Variants in EEF2K observed in about 807,000 individuals in gnomAD.
The protein encoded by EEF2K is eukaryotic elongation factor 2 kinase.
Under a neutral mutation model 93.8 loss-of-function variants are expected in EEF2K, and 70 were observed. The ratio of observed to expected loss-of-function variants is 0.75; its 90% CI spans 0.62 to 0.91. The LOEUF (loss-of-function observed/expected upper bound fraction) is 0.91. Among genes scored for constraint, EEF2K ranks in the 40% least tolerant of loss-of-function variants. The pLI is 0.00. For synonymous variants in EEF2K, 376 were observed against 380.8 expected (o/e 0.99, Z 0.15); for missense variants, 935 against 972.9 (o/e 0.96, Z 0.52).
At chr16:22,279,731 A>T (rs2047674564) in intron 16 of EEF2K, among the ~76,000 whole-genome samples, 2 of 152,132 alleles carry the variant, frequency 1.3e-5, no homozygotes, top group South Asian at 4.1e-4. Context: ...ACAGTGGCTC[A>T]TGCCTGTAAT....
rs1011054825 is a variant in EEF2K, at chr16:22,243,922, CA to C, written c.247-687del. ...TCGGCGACAAAGTAAGACCCTGTCT[CA>C]AAAAAAAAAAAAAAAAAAAAGAGGC... On this transcript the variant is annotated intron_variant, in intron 2 of 17. Transcript: ENST00000263026. 3.0e-3 allele frequency among the ~76,000 whole-genome samples: 189 copies of C among 61,990 alleles called. 1 individual carries two copies. Among genetic ancestry groups the C allele is most frequent in the Middle Eastern group, 0.011 (1 of 94 alleles). The allele number at this position is 61,990 out of a possible 152,430, so 40.7% of individuals were successfully genotyped here.
intron 15 of EEF2K, among the ~76,000 whole-genome samples, chr16:22,267,224 G>A (rs779313908): frequency 2.6e-5 from 4 of 152,190 alleles, no homozygotes; most frequent in African/African-American, 7.2e-5. Flanking sequence ...CATCAGTTCT[G>A]TGTGTATCCC....
chr16:22,256,830 G>A lies in EEF2K; in HGVS notation c.701G>A (p.Gly234Asp). 1.9e-6 allele frequency: 3 copies of A among 1,614,190 alleles called. No homozygotes were observed. Among genetic ancestry groups the A allele is most frequent in the Admixed American group, 1.7e-5 (1 of 60,018 alleles). The change falls in exon 7 of 18, where the codon GGC becomes GAC. Residue 234 changes from glycine (G) to aspartate (D), a missense_variant. Coordinates refer to ENST00000263026, the MANE Select transcript of EEF2K (RefSeq NM_013302.5). ...TTCCACCTGGAGCACTACATCGAGG[G>A]CAAGTACATCAAGTACAACTCCAAC... ...PLFHLEHYIE[G>D]KYIKYNSNSG...
chr16:22,249,196 C>G (rs1033680655), intron 4 of EEF2K, among the ~76,000 whole-genome samples: 1 of 151,010 alleles, frequency 6.6e-6, no homozygotes, highest in African/African-American at 2.4e-5. Context: ...GTCTCAAACT[C>G]CTGGGCTCAA....
At chr16:22,210,514 G>C (rs990515467) in intron 1 of EEF2K, among the ~76,000 whole-genome samples, 2 of 152,106 alleles carry the variant, frequency 1.3e-5, no homozygotes, top group African/African-American at 4.8e-5. Flanking sequence ...TGGCTGCTGC[G>C]GCAGCTGGTC....
At chr16:22,245,228 G>A (rs1387167815) in intron 3 of EEF2K, among the ~76,000 whole-genome samples, 1 of 152,110 alleles carries the variant, frequency 6.6e-6, no homozygotes, top group East Asian at 1.9e-4. Context: ...ATATAGCACT[G>A]CTGCACTCCA....
chr16:22,247,131 A>G (rs2047302963), intron 3 of EEF2K, among the ~76,000 whole-genome samples: 1 of 147,854 alleles, frequency 6.8e-6, no homozygotes, highest in African/African-American at 2.5e-5. Context: ...TCCCAAAGCC[A>G]GCCATAAAGC....
At chr16:22,244,492 G>C in intron 2 of EEF2K, 138 bp from the exon 3 acceptor site, 1 of 732,696 alleles carries the variant, frequency 1.4e-6, no homozygotes, top group Non-Finnish European at 2.2e-6. Flanking sequence ...TTCCTGAAAG[G>C]CTACTAGACA....
chr16:22,252,800 C>T (rs943317745), intron 6 of EEF2K, among the ~76,000 whole-genome samples: 1 of 152,142 alleles, frequency 6.6e-6, no homozygotes, highest in Non-Finnish European at 1.5e-5. Flanking sequence ...AGGCAAAAGG[C>T]ACATCTTACC....
chr16:22,258,443 A>C (rs1331390701), intron 9 of EEF2K, 51 bp from the exon 10 acceptor site: 1 of 1,585,576 alleles, frequency 6.3e-7, no homozygotes, highest in Admixed American at 1.7e-5. Context: ...AGAGCCCTTT[A>C]ATTCCCAGAG....
intron 1 of EEF2K, among the ~76,000 whole-genome samples, chr16:22,220,996 T>C (rs956296696): frequency 3.9e-5 from 6 of 152,320 alleles, no homozygotes; most frequent in Non-Finnish European, 8.8e-5. Flanking sequence ...TCAGGGAAGA[T>C]TCTGGTGACA....
rs144906808 is a variant in EEF2K, at chr16:22,266,427, G to A, written c.1478G>A (p.Arg493His). ...VEKWNLLNSS[R>H]LHLPRASAVA... is the part of the protein sequence containing the mutation. ...AAGTGGAATCTCCTCAACTCCTCCC[G>A]CCTCCACCTGCCGAGGGCTTCGGCC... Residue 493 changes from arginine (R) to histidine (H), a missense_variant, in exon 14 of 18, where the codon CGC becomes CAC. Transcript: ENST00000263026. 1.9e-5 allele frequency: 30 copies of A among 1,614,028 alleles called. No individual in the cohort carries two copies. The East Asian group carries it at 3.3e-4, about 18-fold the overall frequency.
intron 3 of EEF2K, among the ~76,000 whole-genome samples, chr16:22,246,515 T>A (rs1396076188): frequency 1.4e-5 from 1 of 70,486 alleles, no homozygotes; most frequent in East Asian, 3.8e-4. Flanking sequence ...GACTCAGTCT[T>A]AAAAAAAAAA....
intron 4 of EEF2K, among the ~76,000 whole-genome samples, chr16:22,250,319 G>A (rs1027924393): frequency 5.3e-5 from 8 of 152,162 alleles, no homozygotes; most frequent in African/African-American, 1.7e-4. Context: ...TGCTGGACAC[G>A]TAGGTTATCT....
At chr16:22,212,876 A>G (rs893800533) in intron 1 of EEF2K, among the ~76,000 whole-genome samples, 1 of 152,090 alleles carries the variant, frequency 6.6e-6, no homozygotes, top group Admixed American at 6.6e-5. Context: ...CAGGAGGCTG[A>G]GGCGGGAGGA....
rs371898885 is a variant in EEF2K, at chr16:22,259,503, TA to T, written c.1231+811del. Among the ~76,000 whole-genome samples the T allele has an allele frequency of 1.2e-4, 19 of 152,254 alleles. No individual in the cohort carries two copies. The East Asian group carries it at 2.9e-3, about 23-fold the overall frequency. On this transcript the variant is annotated intron_variant, in intron 10 of 17. Coordinates refer to ENST00000263026, the MANE Select transcript of EEF2K (RefSeq NM_013302.5). ...CAGACTTTTTTAAAAGGTCAGAGAG[TA>T]AATATTTTAAGCTTTGCAGGTCATT... is the stretch of plus-strand genomic sequence containing the variant.
At chr16:22,209,570 G>A (rs2046895249) in intron 1 of EEF2K, among the ~76,000 whole-genome samples, 1 of 152,204 alleles carries the variant, frequency 6.6e-6, no homozygotes, top group African/African-American at 2.4e-5. Context: ...AAGTAATAGC[G>A]GCAGGTTGAA....
At chr16:22,263,825 A>G (rs1367699957) in intron 12 of EEF2K, among the ~76,000 whole-genome samples, 2 of 152,130 alleles carry the variant, frequency 1.3e-5, no homozygotes, top group Non-Finnish European at 2.9e-5. Flanking sequence ...GTGAGGCCCC[A>G]GGGAGGAGGG....
intron 1 of EEF2K, among the ~76,000 whole-genome samples, chr16:22,208,511 C>G (rs2046885454): frequency 6.6e-6 from 1 of 152,164 alleles, no homozygotes; most frequent in Non-Finnish European, 1.5e-5. Flanking sequence ...GACTGGGCAA[C>G]AAAGCGAGAC....
Sources: gnomAD v4.1 joint callset for allele counts (sites outside exome capture counted in the v4.1 genomes callset) on GRCh38, gnomAD v4.1.1 for gene constraint, MANE v1.5 for transcripts, NCBI Gene and HGNC (gene_info 2026-07-23, HGNC 2026-07-21) for gene names.